Variants in GPHN observed in about 807,000 individuals in gnomAD.
GPHN encodes the protein gephyrin.
Under a neutral mutation model 95.5 loss-of-function variants are expected in GPHN, and 17 were observed. The ratio of observed to expected loss-of-function variants is 0.18; its 90% CI spans 0.12 to 0.27. GPHN has a LOEUF of 0.27. Among genes scored for constraint, GPHN ranks in the 10% least tolerant of loss-of-function variants. GPHN has a pLI of 1.00. For missense variants in GPHN, 660 were observed against 978.1 expected (o/e 0.67, Z 4.34); for synonymous variants, 320 against 322.5 (o/e 0.99, Z 0.08).
chr14:67,204,578 C>G, the GPHN span: 7 of 1,613,440 alleles, frequency 4.3e-6, no homozygotes, highest in Middle Eastern at 1.6e-4. Context: ...GTGCATGATG[C>G]GGAGAACATG....
the GPHN span, chr14:67,620,781 G>C: frequency 1.0e-6 from 1 of 959,336 alleles, no homozygotes; most frequent in South Asian, 1.4e-5. Context: ...ATTGATGGAA[G>C]GGCTGATGCT....
intron 12 of GPHN, among the ~76,000 whole-genome samples, chr14:67,091,956 C>T (rs911306503): frequency 2.0e-5 from 3 of 151,920 alleles, no homozygotes; most frequent in African/African-American, 7.2e-5. Flanking sequence ...AGGGTTGGTA[C>T]TTCTCCAAGA....
chr14:67,043,421 T>C (rs1045341796), intron 10 of GPHN, among the ~76,000 whole-genome samples: 45 of 152,342 alleles, frequency 3.0e-4, no homozygotes, highest in African/African-American at 9.4e-4. Context: ...ACCTAGTTTA[T>C]TGAGAGTTTT....
At chr14:67,685,944 A>G in the GPHN span, 1 of 152,262 alleles carries the variant, frequency 6.6e-6, no homozygotes, top group Admixed American at 6.5e-5. Flanking sequence ...CCATAAGCCT[A>G]TGCCACTTCT....
chr14:66,813,087 G>A (rs1001397965), intron 3 of GPHN, among the ~76,000 whole-genome samples: 22 of 152,064 alleles, frequency 1.4e-4, no homozygotes, highest in Non-Finnish European at 3.2e-4. Context: ...TTTTACTGAA[G>A]TCAAAGTTAT....
intron 9 of GPHN, among the ~76,000 whole-genome samples, chr14:66,995,537 T>G (rs767983657): frequency 6.6e-6 from 1 of 152,182 alleles, no homozygotes; most frequent in African/African-American, 2.4e-5. Context: ...TTTCTAAGAA[T>G]AGAAGAAAAG....
intron 11 of GPHN, among the ~76,000 whole-genome samples, chr14:67,071,090 C>T (rs1048802659): frequency 2.6e-5 from 4 of 152,126 alleles, no homozygotes; most frequent in Non-Finnish European, 4.4e-5. Context: ...CCTCAAGGAT[C>T]TAGAACTAGA....
At chr14:67,643,897 A>G in the GPHN span, among the ~76,000 whole-genome samples, 1 of 150,740 alleles carries the variant, frequency 6.6e-6, no homozygotes, top group Admixed American at 6.6e-5. Context: ...CAGGTTGAAG[A>G]AAACGGTCAC....
chr14:67,625,645 A>G, the GPHN span, among the ~76,000 whole-genome samples: 1 of 142,714 alleles, frequency 7.0e-6, no homozygotes, highest in African/African-American at 2.7e-5. Flanking sequence ...GTGCCATTGC[A>G]GTCCAGCCTG....
At chr14:67,700,141 G>A in the GPHN span, among the ~76,000 whole-genome samples, 4 of 151,938 alleles carry the variant, frequency 2.6e-5, no homozygotes, top group African/African-American at 7.3e-5. Context: ...AAAAAAAAAG[G>A]ATACTTGGAT....
chr14:67,628,076 T>C, the GPHN span, among the ~76,000 whole-genome samples: 7 of 152,340 alleles, frequency 4.6e-5, no homozygotes, highest in East Asian at 1.2e-3. Flanking sequence ...GGGCCACCTG[T>C]AGCAGAGGAA....
the GPHN span, among the ~76,000 whole-genome samples, chr14:67,244,987 C>T: frequency 6.6e-6 from 1 of 152,066 alleles, no homozygotes; most frequent in African/African-American, 2.4e-5. Context: ...AACAATTGGT[C>T]AGAGAAGTGC....
At chr14:67,156,925 T>C (rs2081621398) in intron 18 of GPHN, among the ~76,000 whole-genome samples, 4 of 150,014 alleles carry the variant, frequency 2.7e-5, no homozygotes, top group African/African-American at 9.8e-5. Context: ...TGAGCCGAGA[T>C]CGCGCCACTG....
chr14:67,099,098 C>G (rs1334904842), intron 12 of GPHN, among the ~76,000 whole-genome samples: 1 of 150,818 alleles, frequency 6.6e-6, no homozygotes. Flanking sequence ...ACGTCTATGT[C>G]TGTTGTAAAA....
rs116635668 is a variant in GPHN, at chr14:66,889,474, A to C, written c.389+9441A>C. On this transcript the variant is annotated intron_variant, in intron 5 of 22. Transcript: ENST00000478722. ...AAATCAGTGACAGAAGGAAAACCGG[A>C]AAATTTACAAATATGTGAAAATTAA... 7.0e-3 allele frequency among the ~76,000 whole-genome samples: 1,072 copies of C among 152,308 alleles called. 5 individuals carry two copies. The highest frequency in any genetic ancestry group is 0.025 in the African/African-American group (1,024 of 41,578).
intron 1 of GPHN, among the ~76,000 whole-genome samples, chr14:66,545,188 G>A (rs1295335359): frequency 4.6e-5 from 7 of 150,700 alleles, no homozygotes; most frequent in East Asian, 2.0e-4. Flanking sequence ...CCCGGACGGA[G>A]CGGCTGGCCG....
intron 3 of GPHN, among the ~76,000 whole-genome samples, chr14:66,803,902 ATTTC>A (rs2060449405): frequency 6.6e-6 from 1 of 151,628 alleles, no homozygotes; most frequent in Non-Finnish European, 1.5e-5. Context: ...ATTCTGTACC[ATTTC>A]ATCCATTTTG....
At chr14:66,827,591 T>C (rs1376999360) in intron 4 of GPHN, among the ~76,000 whole-genome samples, 1 of 135,262 alleles carries the variant, frequency 7.4e-6, no homozygotes, top group Non-Finnish European at 1.5e-5. Flanking sequence ...AGTTAATTTT[T>C]TTTATTTGTT....
the GPHN span, chr14:67,691,772 A>G: frequency 6.4e-6 from 1 of 155,820 alleles, no homozygotes; most frequent in African/African-American, 2.4e-5. Flanking sequence ...CTGGGCTATA[A>G]GGGGATATGC....
Sources: gnomAD v4.1 joint callset for allele counts (sites outside exome capture counted in the v4.1 genomes callset) on GRCh38, gnomAD v4.1.1 for gene constraint, MANE v1.5 for transcripts, NCBI Gene and HGNC (gene_info 2026-07-23, HGNC 2026-07-21) for gene names.